Variants in ZNF569 observed in about 807,000 individuals in gnomAD.
ZNF569 encodes the protein zinc finger protein 569.
ZNF569 carries 38 observed loss-of-function variants against 56.3 expected under a neutral mutation model. The observed-to-expected ratio is 0.68, with a 90% CI of 0.52 to 0.88. The LOEUF is 0.88. Among genes scored for constraint, ZNF569 ranks in the 40% least tolerant of loss-of-function variants. The pLI, the probability that ZNF569 is intolerant of heterozygous loss-of-function variation, is 0.00. For missense variants in ZNF569, 666 were observed against 809.2 expected (o/e 0.82, Z 2.15); for synonymous variants, 241 against 262.9 (o/e 0.92, Z 0.81).
At chr19:37,425,439 A>G (rs1341697722) in intron 5 of ZNF569, among the ~76,000 whole-genome samples, 1 of 148,560 alleles carries the variant, frequency 6.7e-6, no homozygotes, top group Non-Finnish European at 1.5e-5. Context: ...CTCCTGCCTC[A>G]GCCTCCCAAG....
At chr19:37,441,633 G>A (rs1204641567) in intron 3 of ZNF569, among the ~76,000 whole-genome samples, 1 of 151,846 alleles carries the variant, frequency 6.6e-6, no homozygotes, top group Non-Finnish European at 1.5e-5. Context: ...GCCAGCCTGG[G>A]TGACAGAGTA....
rs571379430 is a variant in ZNF569, at chr19:37,414,399, C to T, written c.259G>A (p.Glu87Lys). ...AGTCTGTCCTGGTTTTTCTGATGCT[C>T]ATCAACTCCCCATATTTCTCCTAAA... ...HWQGEIWGVDEHQKNQDRLLR... is the reference protein window; with the variant it reads ...HWQGEIWGVDKHQKNQDRLLR... The change falls in exon 6 of 6, where the codon GAG becomes AAG. Residue 87 changes from glutamate (E) to lysine (K), a missense_variant. By Grantham distance (56) the Glu-to-Lys change is moderately conservative. Coordinates refer to ENST00000316950, the MANE Select transcript of ZNF569 (RefSeq NM_152484.3). 39 of 1,588,704 alleles carry T rather than the reference C, an allele frequency of 2.5e-5. No homozygotes were observed. In the South Asian group the frequency reaches 4.4e-4, roughly 18 times the overall value.
intron 2 of ZNF569, among the ~76,000 whole-genome samples, chr19:37,452,943 A>G (rs1383164000): frequency 6.6e-6 from 1 of 152,130 alleles, no homozygotes; most frequent in Non-Finnish European, 1.5e-5. Flanking sequence ...TAATGCATAT[A>G]TTAGTCTGCT....
chr19:37,425,311 G>A (rs929777091), intron 5 of ZNF569, among the ~76,000 whole-genome samples: 3 of 145,870 alleles, frequency 2.1e-5, no homozygotes, highest in Admixed American at 7.0e-5. Flanking sequence ...GCCACCACAC[G>A]TGGCTAATTT....
At chr19:37,426,506 G>A (rs1179040619) in intron 3 of ZNF569, 128 bp from the exon 4 acceptor site, 12 of 1,009,592 alleles carry the variant, frequency 1.2e-5, no homozygotes, top group Non-Finnish European at 1.6e-5. Flanking sequence ...GCAGCATCCT[G>A]TCATTTATGT....
chr19:37,448,603 G>A (rs1295163357), intron 2 of ZNF569, among the ~76,000 whole-genome samples: 1 of 118,284 alleles, frequency 8.5e-6, no homozygotes, highest in Non-Finnish European at 1.6e-5. Flanking sequence ...TGGCCCTGTC[G>A]CCCAGGCTGG....
chr19:37,425,733 G>A (rs2041120060), intron 5 of ZNF569, 135 bp downstream of exon 5: 6 of 696,186 alleles, frequency 8.6e-6, no homozygotes, highest in Admixed American at 2.4e-5. Flanking sequence ...CCAAAGTGCT[G>A]GGACTATAGG....
At chr19:37,449,676 CT>C (rs199513405) in intron 2 of ZNF569, among the ~76,000 whole-genome samples, 1 of 149,046 alleles carries the variant, frequency 6.7e-6, no homozygotes, top group Admixed American at 6.7e-5. Context: ...TATTTTGTGG[CT>C]TTTTTTAATA....
At chr19:37,443,072 G>A (rs966073091) in intron 3 of ZNF569, among the ~76,000 whole-genome samples, 3 of 152,212 alleles carry the variant, frequency 2.0e-5, no homozygotes, top group South Asian at 2.1e-4. Context: ...ATACATGGTC[G>A]GCCGGGTGCT....
chr19:37,462,678 G>A (rs1311668225), intron 2 of ZNF569, among the ~76,000 whole-genome samples: 1 of 152,072 alleles, frequency 6.6e-6, no homozygotes, highest in African/African-American at 2.4e-5. Flanking sequence ...TTTCAAGCTA[G>A]TCCCCATCAG....
At chr19:37,437,095 A>G (rs1414056732) in intron 3 of ZNF569, among the ~76,000 whole-genome samples, 1 of 152,110 alleles carries the variant, frequency 6.6e-6, no homozygotes, top group Non-Finnish European at 1.5e-5. Context: ...AAATACTAGC[A>G]AACTGATTTC....
chr19:37,447,315 C>T (rs1287037323), intron 2 of ZNF569, among the ~76,000 whole-genome samples: 4 of 151,950 alleles, frequency 2.6e-5, no homozygotes, highest in African/African-American at 4.8e-5. Flanking sequence ...CAGCACAATT[C>T]GCAATTGCAA....
intron 3 of ZNF569, among the ~76,000 whole-genome samples, chr19:37,440,294 CA>C (rs2041382651): frequency 6.6e-6 from 1 of 151,808 alleles, no homozygotes; most frequent in East Asian, 1.9e-4. Context: ...TGAAAGAAGC[CA>C]GACACAAAAG....
intron 3 of ZNF569, among the ~76,000 whole-genome samples, chr19:37,429,064 G>A (rs575992983): frequency 1.3e-5 from 2 of 152,104 alleles, no homozygotes; most frequent in African/African-American, 2.4e-5. Context: ...TCCCAACAGT[G>A]CAATACTATA....
At chr19:37,466,272 A>G (rs2146987488) in intron 1 of ZNF569, among the ~76,000 whole-genome samples, 1 of 152,334 alleles carries the variant, frequency 6.6e-6, no homozygotes, top group East Asian at 1.9e-4. Context: ...CGTAGCTAAT[A>G]CACGAAAATA....
intron 3 of ZNF569, among the ~76,000 whole-genome samples, chr19:37,434,342 AAATACATC>A (rs1310384273): frequency 6.6e-6 from 1 of 152,136 alleles, no homozygotes; most frequent in East Asian, 1.9e-4. Flanking sequence ...GAATCAATAT[AAATACATC>A]AATAACTAAA....
chr19:37,426,787 A>T (rs1345039109), intron 3 of ZNF569, among the ~76,000 whole-genome samples: 1 of 152,188 alleles, frequency 6.6e-6, no homozygotes, highest in African/African-American at 2.4e-5. Flanking sequence ...AGTTGGATGT[A>T]TTGTTCATGA....
chr19:37,466,396 G>A (rs1382264066), intron 1 of ZNF569, among the ~76,000 whole-genome samples: 3 of 152,148 alleles, frequency 2.0e-5, no homozygotes, highest in African/African-American at 7.2e-5. Flanking sequence ...TTGGGAGAAC[G>A]AGGCGGGTGG....
At chr19:37,429,333 A>C (rs2041188419) in intron 3 of ZNF569, among the ~76,000 whole-genome samples, 1 of 152,194 alleles carries the variant, frequency 6.6e-6, no homozygotes, top group Non-Finnish European at 1.5e-5. Flanking sequence ...ATTTGAGATA[A>C]TAAGGCAGAA....
Sources: gnomAD v4.1 joint callset for allele counts (sites outside exome capture counted in the v4.1 genomes callset) on GRCh38, gnomAD v4.1.1 for gene constraint, MANE v1.5 for transcripts, NCBI Gene and HGNC (gene_info 2026-07-23, HGNC 2026-07-21) for gene names.